ERCC3: variants seen among roughly 807,000 people sequenced by gnomAD.
The protein encoded by ERCC3 is general transcription and DNA repair factor IIH helicase/translocase subunit XPB.
ERCC3 carries 66 observed loss-of-function variants against 94.2 expected under a neutral mutation model. That is an observed-to-expected ratio of 0.70 (90% CI 0.57 to 0.86). The LOEUF is 0.86. ERCC3 is among the 40% of genes least tolerant of loss of function. The pLI, the probability that ERCC3 is intolerant of heterozygous loss-of-function variation, is 0.00. For synonymous variants in ERCC3, 349 were observed against 369.1 expected, an observed-to-expected ratio of 0.95 and a Z score of 0.63; for missense variants, 829 against 987.1, an observed-to-expected ratio of 0.84 and a Z score of 2.15.
At position 127,258,984 on chromosome 2, in the gene ERCC3, A is replaced by G. The variant is rs1169783864; in HGVS notation, c.2217+312T>C. Among the ~76,000 whole-genome samples the G allele has an allele frequency of 6.6e-6, 1 of 152,122 alleles. No individual in the cohort carries two copies. Among genetic ancestry groups the G allele is most frequent in the African/African-American group, 2.4e-5 (1 of 41,440 alleles). On this transcript the variant is annotated intron_variant, in intron 14 of 14. Transcript: ENST00000285398. The surrounding 1 kb of genome is among the most constrained non-coding windows in gnomAD (Gnocchi z 4.1). ...ACCCCCAGCCCATCATGCTCCCTCC[A>G]GTCACCACCAAGGTGAGCTGGGGTC... is the stretch of plus-strand genomic sequence containing the variant.
intron 7 of ERCC3, among the ~76,000 whole-genome samples, chr2:127,287,310 C>T (rs1685107691): frequency 6.6e-6 from 1 of 152,036 alleles, no homozygotes; most frequent in South Asian, 2.1e-4. Flanking sequence ...AGAGAAATGC[C>T]TGTTATTGTT....
chr2:127,275,433 G>C (rs1345646556), intron 10 of ERCC3, among the ~76,000 whole-genome samples: 4 of 152,354 alleles, frequency 2.6e-5, no homozygotes, highest in Non-Finnish European at 2.9e-5. Flanking sequence ...ACATTGTAAT[G>C]ATCATTCTAG....
At chr2:127,272,230 G>A (rs1057142145) in intron 11 of ERCC3, among the ~76,000 whole-genome samples, 2 of 151,886 alleles carry the variant, frequency 1.3e-5, no homozygotes, top group Non-Finnish European at 2.9e-5. Flanking sequence ...TCTCCATGTT[G>A]GCCAGGCTGG....
At chr2:127,289,846 G>A (rs767623077) in intron 4 of ERCC3, 22 bp from the exon 5 acceptor site, 62 of 1,613,882 alleles carry the variant, frequency 3.8e-5, no homozygotes, top group Non-Finnish European at 5.1e-5. Flanking sequence ...GGAGGAAGAA[G>A]GGGTCTACTG....
rs185136264 is a variant in ERCC3 at position 127,288,535 on chromosome 2, G to A, written c.1027+125C>T. On this transcript the variant is annotated intron_variant, in intron 7 of 14. Transcript: ENST00000285398. ...AATATTTGTCAAGTCATGAATCAGG[G>A]AGTCACCTGATCTTGGCTTTTCAGC... 3.2e-3 allele frequency: 2,771 copies of A among 855,412 alleles called. 14 individuals carry two copies. The highest frequency in any genetic ancestry group is 2.5e-3 in the Non-Finnish European group (1,210 of 490,646). The allele number at this position is 855,412 out of a possible 1,614,324, so 53.0% of individuals were successfully genotyped here. A position where few individuals can be genotyped will look rare whatever the true frequency, so the allele number is the denominator to read the frequency against.
chr2:127,279,473 CA>C lies in ERCC3; in HGVS notation c.1528-99del. On this transcript the variant is annotated intron_variant, in intron 9 of 14. Coordinates refer to ENST00000285398, the MANE Select transcript of ERCC3 (RefSeq NM_000122.2). The surrounding 1 kb of genome is among the most constrained non-coding windows in gnomAD (Gnocchi z 4.7). ...TTCTCTAGCAGAATTAGCTTTAAAACAAAACCAGTCAGGTGCAGTGGCTCAT... is the reference window on the plus strand; with the variant it reads ...TTCTCTAGCAGAATTAGCTTTAAAACAAACCAGTCAGGTGCAGTGGCTCAT... The C allele has an allele frequency of 1.0e-6, 1 of 964,120 alleles. No individual in the cohort carries two copies. Among genetic ancestry groups the C allele is most frequent in the South Asian group, 1.3e-5 (1 of 74,832 alleles). The allele number at this position is 964,120 out of a possible 1,614,324, so 59.7% of individuals were successfully genotyped here.
chr2:127,266,603 C>T (rs534116760), intron 12 of ERCC3, among the ~76,000 whole-genome samples: 161 of 152,066 alleles, frequency 1.1e-3, no homozygotes, highest in African/African-American at 3.6e-3. Context: ...TCCCAAAGTG[C>T]TGGGATTATC....
At chr2:127,267,451 G>C (rs938071826) in intron 12 of ERCC3, among the ~76,000 whole-genome samples, 2 of 149,874 alleles carry the variant, frequency 1.3e-5, no homozygotes, top group African/African-American at 4.9e-5. Context: ...TTATTTGTGT[G>C]ATAGATTTTT....
intron 8 of ERCC3, 31 bp downstream of exon 8, chr2:127,286,672 C>T: frequency 6.2e-7 from 1 of 1,607,076 alleles, no homozygotes; most frequent in Non-Finnish European, 8.5e-7. Flanking sequence ...GTCTGTTCAG[C>T]AAGTGGACAG....
At position 127,292,833 on chromosome 2, in the gene ERCC3, T is replaced by G. The variant is rs532415974; in HGVS notation, c.248A>C (p.His83Pro). 6.2e-7 allele frequency: 1 copy of G among 1,611,028 alleles called. No homozygotes were observed. Among genetic ancestry groups the G allele is most frequent in the Non-Finnish European group, 8.5e-7 (1 of 1,178,018 alleles). ...TGGAGAGAAGGCTTCCAAGAAGATATGGCCATCGGGAGCCTGAGAGATACC... is the reference window on the plus strand; with the variant it reads ...TGGAGAGAAGGCTTCCAAGAAGATAGGGCCATCGGGAGCCTGAGAGATACC... ...SRPLWVAPDG[H>P]IFLEAFSPVY... The change falls in exon 3 of 15, where the codon CAT becomes CCT. Residue 83 changes from histidine to proline, a missense_variant. Coordinates refer to ENST00000285398, the MANE Select transcript of ERCC3 (RefSeq NM_000122.2).
rs1386802144 is a variant in ERCC3, at chr2:127,274,818, C to T, written c.1731-1857G>A. 6.6e-6 allele frequency among the ~76,000 whole-genome samples: 1 copy of T among 152,126 alleles called. No individual in the cohort carries two copies. Among genetic ancestry groups the T allele is most frequent in the Admixed American group, 6.6e-5 (1 of 15,266 alleles). ...AGCCCTCAGTTTCTAAAGGTTCCCC[C>T]ACACAGATGAAATAGAAGGAAAAGC... On this transcript the variant is annotated intron_variant, in intron 10 of 14. Transcript: ENST00000285398. The surrounding 1 kb of genome is among the most constrained non-coding windows in gnomAD (Gnocchi z 4.0).
intron 8 of ERCC3, among the ~76,000 whole-genome samples, chr2:127,283,263 ATC>A (rs1419174725): frequency 2.0e-5 from 3 of 152,032 alleles, no homozygotes; most frequent in African/African-American, 7.2e-5. Context: ...AGAGTCATCC[ATC>A]TCTGACCCCC....
Position 127,257,408 on chromosome 2 carries a change from T to C in ERCC3, c.*188A>G. Reference sequence around the variant, plus strand: ...CCAAAAAGTTTGAAAAAATATTGTCTCCTCCTCCTTTATAAAACCCTAGAT... The same window carrying C: ...CCAAAAAGTTTGAAAAAATATTGTCCCCTCCTCCTTTATAAAACCCTAGAT... On this transcript the variant is annotated 3_prime_UTR_variant, in exon 15 of 15. Transcript: ENST00000285398. The surrounding 1 kb of genome is among the most constrained non-coding windows in gnomAD (Gnocchi z 5.4). The C allele has an allele frequency of 1.7e-5, 12 of 723,448 alleles. No homozygotes were observed. The South Asian group carries it at 1.9e-4, about 12-fold the overall frequency. The allele number at this position is 723,448 out of a possible 1,614,324, so 44.8% of individuals were successfully genotyped here.
At position 127,280,679 on chromosome 2, in the gene ERCC3, T is replaced by G. The variant is rs146479210; in HGVS notation, c.1343-48A>C. 261 of 1,483,248 alleles carry G rather than the reference T, an allele frequency of 1.8e-4. 2 individuals are homozygous for G. In the African/African-American group the frequency reaches 3.2e-3, roughly 18 times the overall value. 91.9% of individuals were successfully genotyped at this position (1,483,248 alleles called of 1,614,324 possible). On this transcript the variant is annotated intron_variant, in intron 8 of 14. Transcript: ENST00000285398. This position sits in a 1 kb window ranked among gnomAD's most constrained non-coding sequence, Gnocchi z 6.3. ...CACACTGTCACTTTTCTTTCTTATTTTTTATTTATTTATTTTAAAATATTT... is the reference window on the plus strand; with the variant it reads ...CACACTGTCACTTTTCTTTCTTATTGTTTATTTATTTATTTTAAAATATTT...
At position 127,292,621 on chromosome 2, in the gene ERCC3, G is replaced by T. The variant is rs1404293670; in HGVS notation, c.460C>A (p.Gln154Lys). ...SKTGVPDGIM[Q>K]FIKLCTVSYG... ...CAGCTGTCACTTGCCTTAATAAACT[G>T]CATAATTCCATCAGGGACTCCAGTC... is the stretch of plus-strand genomic sequence containing the variant. Residue 154 changes from glutamine (Q) to lysine (K), a missense_variant, in exon 3 of 15, where the codon CAG becomes AAG. Coordinates refer to ENST00000285398, the MANE Select transcript of ERCC3 (RefSeq NM_000122.2). 1.2e-6 allele frequency: 2 copies of T among 1,609,152 alleles called. No individual in the cohort carries two copies. The highest frequency in any genetic ancestry group is 1.7e-5 in the Admixed American group (1 of 60,028).
chr2:127,293,621 C>T lies in ERCC3; in HGVS notation c.126G>A (p.Ala42=), dbSNP rs375212335. ...NDPQEAVPSA[A]GKQVDESGTK... is the part of the protein sequence containing the mutation. Reference sequence around the variant, plus strand: ...TGCCTGACTCATCCACCTGCTTCCCCGCCGCCGAGGGAACCGCTTCCTGAG... The same window carrying T: ...TGCCTGACTCATCCACCTGCTTCCCTGCCGCCGAGGGAACCGCTTCCTGAG... Residue 42 remains alanine (A), a synonymous_variant, in exon 2 of 15, where the codon GCG becomes GCA. Transcript: ENST00000285398. 36 of 1,614,074 alleles carry T rather than the reference C, an allele frequency of 2.2e-5. No homozygotes were observed. The highest frequency in any genetic ancestry group is 2.7e-5 in the Non-Finnish European group (32 of 1,180,044).
intron 10 of ERCC3, among the ~76,000 whole-genome samples, chr2:127,276,040 G>A (rs1319356842): frequency 6.6e-6 from 1 of 152,160 alleles, no homozygotes; most frequent in African/African-American, 2.4e-5. Context: ...CAGCAGGCAG[G>A]CCACCTCCAC....
chr2:127,259,992 G>A lies in ERCC3; in HGVS notation c.2065-544C>T, dbSNP rs1247170790. ...TGGAGACTGGGTTTTCATTTCTATG[G>A]GGATAACTTACTACAAGGGCTCCCT... On this transcript the variant is annotated intron_variant, in intron 13 of 14. Transcript: ENST00000285398. This position sits in a 1 kb window ranked among gnomAD's most constrained non-coding sequence, Gnocchi z 4.9. 1 of 171,818 alleles carries A rather than the reference G, an allele frequency of 5.8e-6. No individual in the cohort carries two copies. Among genetic ancestry groups the A allele is most frequent in the East Asian group, 1.5e-4 (1 of 6,690 alleles). 10.6% of individuals were successfully genotyped at this position (171,818 alleles called of 1,614,324 possible). A position where few individuals can be genotyped will look rare whatever the true frequency, so the allele number is the denominator to read the frequency against.
At position 127,290,243 on chromosome 2, in the gene ERCC3, G is replaced by C; in HGVS notation, c.502C>G (p.Leu168Val). 6.2e-7 allele frequency: 1 copy of C among 1,614,014 alleles called. No homozygotes were observed. Among genetic ancestry groups the C allele is most frequent in the Non-Finnish European group, 8.5e-7 (1 of 1,179,844 alleles). The change falls in exon 4 of 15, where the codon CTG (leucine) becomes GTG (valine). Residue 168 changes from leucine (L) to valine (V), a missense_variant. Coordinates refer to ENST00000285398, the MANE Select transcript of ERCC3 (RefSeq NM_000122.2). ...TCTTACCTGTTGTGCTTCAAGACCA[G>C]CTTGACTTTTCCATAGCTGACAGTA... ...LCTVSYGKVK[L>V]VLKHNRYFVE...
Sources: gnomAD v4.1 joint callset for allele counts (sites outside exome capture counted in the v4.1 genomes callset) on GRCh38, gnomAD v4.1.1 for gene constraint, Gnocchi (gnomAD v3.1) non-coding constraint, MANE v1.5 for transcripts, NCBI Gene and HGNC (gene_info 2026-07-23, HGNC 2026-07-21) for gene names.